Variants in SLC24A2 observed in about 807,000 individuals in gnomAD.
The protein encoded by SLC24A2 is solute carrier family 24 member 2, also known as sodium/potassium/calcium exchanger 2.
In SLC24A2, 36 loss-of-function variants were observed where a neutral mutation model predicts 62.0. The observed-to-expected ratio is 0.58, with a 90% CI of 0.44 to 0.77. SLC24A2 has a LOEUF of 0.77. SLC24A2 is among the 30% of genes least tolerant of loss of function. The pLI, the probability that SLC24A2 is intolerant of heterozygous loss-of-function variation, is 0.00. For missense variants in SLC24A2, 846 were observed against 817.9 expected (o/e 1.03, Z -0.42); for synonymous variants, 358 against 294.0 (o/e 1.22, Z -2.23).
At chr9:19,713,913 G>C (rs865896333) in intron 2 of SLC24A2, among the ~76,000 whole-genome samples, 1 of 152,096 alleles carries the variant, frequency 6.6e-6, no homozygotes, top group Admixed American at 6.5e-5. Flanking sequence ...CAAGTAAATT[G>C]CACATTTTGG....
At chr9:20,260,666 T>G in the SLC24A2 span, among the ~76,000 whole-genome samples, 1 of 152,036 alleles carries the variant, frequency 6.6e-6, no homozygotes, top group Non-Finnish European at 1.5e-5. Context: ...TTTTATTATT[T>G]CAATAGGTTT....
the SLC24A2 span, among the ~76,000 whole-genome samples, chr9:20,165,305 T>C: frequency 1.3e-5 from 2 of 151,830 alleles, no homozygotes; most frequent in Non-Finnish European, 2.9e-5. Flanking sequence ...ACTAGACAAG[T>C]TGATTCTGAA....
intron 2 of SLC24A2, among the ~76,000 whole-genome samples, chr9:19,650,056 G>A (rs1392303677): frequency 6.6e-6 from 1 of 152,174 alleles, no homozygotes; most frequent in African/African-American, 2.4e-5. Flanking sequence ...TCTAAACCTT[G>A]ATCCTCATAG....
the SLC24A2 span, among the ~76,000 whole-genome samples, chr9:20,190,348 T>C: frequency 1.3e-5 from 2 of 152,166 alleles, no homozygotes; most frequent in Non-Finnish European, 2.9e-5. Flanking sequence ...TCTCAGATCT[T>C]TGTCCTACCA....
At chr9:19,909,909 C>T in the SLC24A2 span, among the ~76,000 whole-genome samples, 1 of 152,056 alleles carries the variant, frequency 6.6e-6, no homozygotes, top group African/African-American at 2.4e-5. Context: ...CCCACACTTG[C>T]TTCTTTCTCT....
chr9:19,978,751 G>A, the SLC24A2 span, among the ~76,000 whole-genome samples: 1 of 152,094 alleles, frequency 6.6e-6, no homozygotes, highest in Admixed American at 6.6e-5. Context: ...TGGCAGAATT[G>A]AGGTGATTGA....
chr9:19,881,790 G>C, the SLC24A2 span, among the ~76,000 whole-genome samples: 1 of 152,076 alleles, frequency 6.6e-6, no homozygotes, highest in Non-Finnish European at 1.5e-5. Flanking sequence ...GTCAACATTA[G>C]ACATAAACAA....
the SLC24A2 span, among the ~76,000 whole-genome samples, chr9:20,119,307 C>T: frequency 6.6e-6 from 1 of 151,822 alleles, no homozygotes; most frequent in Non-Finnish European, 1.5e-5. Context: ...TGTGAGGTAA[C>T]ACATGTTGCT....
At chr9:20,185,635 A>G in the SLC24A2 span, among the ~76,000 whole-genome samples, 2 of 150,198 alleles carry the variant, frequency 1.3e-5, no homozygotes, top group African/African-American at 4.9e-5. Context: ...ACTGCACTCC[A>G]GCCTGGGAGA....
chr9:19,996,837 C>T, the SLC24A2 span, among the ~76,000 whole-genome samples: 6 of 151,244 alleles, frequency 4.0e-5, no homozygotes, highest in Non-Finnish European at 1.5e-5. Context: ...CCAAGTGGTA[C>T]GTTTCCCTGG....
At chr9:20,176,758 G>A in the SLC24A2 span, among the ~76,000 whole-genome samples, 2 of 152,016 alleles carry the variant, frequency 1.3e-5, no homozygotes, top group South Asian at 4.1e-4. Context: ...TTGCTAGTTT[G>A]AGAAAATATA....
the SLC24A2 span, among the ~76,000 whole-genome samples, chr9:20,135,705 T>G: frequency 6.6e-6 from 1 of 152,144 alleles, no homozygotes; most frequent in Non-Finnish European, 1.5e-5. Flanking sequence ...TGAAAAATTA[T>G]GTGCTCGAAC....
chr9:20,156,478 T>C, the SLC24A2 span, among the ~76,000 whole-genome samples: 2 of 151,750 alleles, frequency 1.3e-5, no homozygotes, highest in Non-Finnish European at 3.0e-5. Context: ...AGTCTATTGG[T>C]CAGCCCCACC....
intron 2 of SLC24A2, among the ~76,000 whole-genome samples, chr9:19,681,014 C>T (rs1452594795): frequency 1.3e-5 from 2 of 152,056 alleles, no homozygotes; most frequent in East Asian, 3.9e-4. Context: ...GTTCTCAACA[C>T]AGCAGCCAGA....
the SLC24A2 span, among the ~76,000 whole-genome samples, chr9:20,072,686 G>C: frequency 6.6e-6 from 1 of 151,922 alleles, no homozygotes; most frequent in Non-Finnish European, 1.5e-5. Context: ...AGATGCAGGA[G>C]GAGTCAGAGT....
At chr9:19,905,271 C>G in the SLC24A2 span, among the ~76,000 whole-genome samples, 12 of 152,168 alleles carry the variant, frequency 7.9e-5, no homozygotes, top group East Asian at 2.3e-3. Context: ...TAGGCATAAC[C>G]TCCTTCAGCT....
In SLC24A2 at chr9:19,718,137, C is replaced by T. The variant is rs533488853; in HGVS notation, c.930+67800G>A. 1.2e-3 allele frequency among the ~76,000 whole-genome samples: 178 copies of T among 150,992 alleles called. 1 individual carries two copies. The highest frequency in any genetic ancestry group is 0.01 in the Middle Eastern group (3 of 292). On this transcript the variant is annotated intron_variant, in intron 2 of 10. Coordinates refer to ENST00000341998, the MANE Select transcript of SLC24A2 (RefSeq NM_020344.4). Reference sequence around the variant, plus strand: ...GATTACAGGCACATGCTGCCACACCCGGCTAATTTTTGTATTTTTAGTAGA... The same window carrying T: ...GATTACAGGCACATGCTGCCACACCTGGCTAATTTTTGTATTTTTAGTAGA...
At chr9:19,805,600 TA>T in the SLC24A2 span, among the ~76,000 whole-genome samples, 211 of 152,292 alleles carry the variant, frequency 1.4e-3, 1 homozygote, top group Middle Eastern at 0.017. Context: ...AGGCTCTTAA[TA>T]AACATTTGTT....
At chr9:19,963,981 A>T in the SLC24A2 span, among the ~76,000 whole-genome samples, 2 of 152,098 alleles carry the variant, frequency 1.3e-5, no homozygotes, top group Non-Finnish European at 2.9e-5. Flanking sequence ...AATGTCCAAC[A>T]ATGATAGACT....
Sources: gnomAD v4.1 joint callset for allele counts (sites outside exome capture counted in the v4.1 genomes callset) on GRCh38, gnomAD v4.1.1 for gene constraint, MANE v1.5 for transcripts, NCBI Gene and HGNC (gene_info 2026-07-23, HGNC 2026-07-21) for gene names.